The following PDZD2 variants were observed in gnomAD, a reference collection of about 807,000 sequenced individuals.
PDZD2 encodes PDZ domain-containing protein 2.
Under a neutral mutation model 220.7 loss-of-function variants are expected in PDZD2, and 90 were observed. That is an observed-to-expected ratio of 0.41 (90% confidence interval 0.34 to 0.49). The LOEUF is 0.49. Ranked by LOEUF, PDZD2 falls within the 20% of genes least tolerant of loss-of-function variation. The probability of loss-of-function intolerance (pLI) is 0.28; values close to 1 mark genes in which losing one functional copy is unlikely to be tolerated. For synonymous variants in PDZD2, 1,375 were observed against 1,450.5 expected (o/e 0.95, Z 1.18); for missense variants, 3,174 against 3,608.5 (o/e 0.88, Z 3.08).
chr5:31,834,621 C>A (rs1019259604), intron 2 of PDZD2, among the ~76,000 whole-genome samples: 2 of 151,910 alleles, frequency 1.3e-5, no homozygotes, highest in African/African-American at 2.4e-5. Flanking sequence ...GTATTTCAAG[C>A]CCCACAGGTG....
intron 2 of PDZD2, among the ~76,000 whole-genome samples, chr5:31,933,860 C>T (rs11740191): frequency 1.6e-3 from 237 of 152,212 alleles, no homozygotes; most frequent in Non-Finnish European, 2.7e-3. Flanking sequence ...AAGGTGGACA[C>T]GAAGAAGGCA....
intron 2 of PDZD2, among the ~76,000 whole-genome samples, chr5:31,803,878 A>G (rs1166683358): frequency 6.6e-6 from 1 of 151,990 alleles, no homozygotes; most frequent in Non-Finnish European, 1.5e-5. Flanking sequence ...TCTATAAAAA[A>G]ATTTTTTTTA....
At chr5:32,046,050 A>G (rs1480767589) in intron 7 of PDZD2, among the ~76,000 whole-genome samples, 1 of 152,208 alleles carries the variant, frequency 6.6e-6, no homozygotes, top group Non-Finnish European at 1.5e-5. Context: ...TATACACACA[A>G]ACACATATGT....
intron 24 of PDZD2, among the ~76,000 whole-genome samples, chr5:32,101,498 C>G (rs1001024626): frequency 1.6e-4 from 24 of 152,164 alleles, no homozygotes; most frequent in African/African-American, 5.6e-4. Context: ...CTGTAAGTGG[C>G]AGAACCAGGC....
intron 7 of PDZD2, among the ~76,000 whole-genome samples, chr5:32,042,309 C>T (rs1179988875): frequency 6.6e-6 from 1 of 151,218 alleles, no homozygotes; most frequent in Non-Finnish European, 1.5e-5. Context: ...CGCCTGTAAT[C>T]CCAGCACTTT....
chr5:31,916,389 G>A (rs1743682338), intron 2 of PDZD2, among the ~76,000 whole-genome samples: 1 of 152,238 alleles, frequency 6.6e-6, no homozygotes, highest in Non-Finnish European at 1.5e-5. Context: ...CCACAGTCAG[G>A]TGTAGAGGCC....
rs746305849 is a variant in PDZD2 at position 31,658,623 on chromosome 5, C to CT, written c.-361+19200dup. Among the ~76,000 whole-genome samples, 1,092 of 146,942 alleles carry CT rather than the reference C, an allele frequency of 7.4e-3. 12 individuals are homozygous for CT. Among genetic ancestry groups the CT allele is most frequent in the African/African-American group, 0.023 (936 of 40,064 alleles). On this transcript the variant is annotated intron_variant, in intron 1 of 24. Coordinates refer to ENST00000438447, the MANE Select transcript of PDZD2 (RefSeq NM_178140.4). ...ATTTGGTCTATGTGGGCTGTTTTCACTTTTTTTTTTTTTTGAGACGGAGTC... is the reference window on the plus strand; with the variant it reads ...ATTTGGTCTATGTGGGCTGTTTTCACTTTTTTTTTTTTTTTGAGACGGAGTC...
At chr5:31,880,663 C>A (rs925406827) in intron 2 of PDZD2, among the ~76,000 whole-genome samples, 1 of 151,882 alleles carries the variant, frequency 6.6e-6, no homozygotes, top group African/African-American at 2.4e-5. Flanking sequence ...GGGTCTGGGC[C>A]AGAACACATT....
At chr5:31,908,473 G>T in intron 2 of PDZD2, 2 of 946,552 alleles carry the variant, frequency 2.1e-6, no homozygotes, top group East Asian at 3.3e-5. Context: ...TAGGAGAGAG[G>T]GTAACACTGA....
intron 2 of PDZD2, among the ~76,000 whole-genome samples, chr5:31,890,061 C>A (rs1740875175): frequency 6.7e-6 from 1 of 149,084 alleles, no homozygotes; most frequent in Admixed American, 6.8e-5. Flanking sequence ...CCACCCCCAC[C>A]AAAACAAACA....
intron 3 of PDZD2, among the ~76,000 whole-genome samples, chr5:31,993,229 A>G (rs1040460334): frequency 3.3e-5 from 5 of 152,206 alleles, no homozygotes; most frequent in Non-Finnish European, 7.3e-5. Flanking sequence ...AATAGAGATC[A>G]TTGACAAGTT....
intron 1 of PDZD2, among the ~76,000 whole-genome samples, chr5:31,657,967 G>A (rs986596265): frequency 4.9e-4 from 75 of 152,152 alleles, no homozygotes; most frequent in African/African-American, 1.4e-3. Context: ...TACTCTAACC[G>A]TCCTATCTTT....
chr5:31,686,467 G>A (rs1203221885), intron 1 of PDZD2, among the ~76,000 whole-genome samples: 14 of 152,000 alleles, frequency 9.2e-5, no homozygotes, highest in Non-Finnish European at 8.8e-5. Flanking sequence ...AGGTTCAAGC[G>A]ATTCTCCTGC....
intron 2 of PDZD2, among the ~76,000 whole-genome samples, chr5:31,849,949 C>CGTGT (rs1757870585): frequency 4.9e-5 from 1 of 20,454 alleles, no homozygotes; most frequent in African/African-American, 2.8e-4. Context: ...TATATATATA[C>CGTGT]ATATATATAT....
In PDZD2 at chr5:31,768,099, A is replaced by G. The variant is rs116687172; in HGVS notation, c.-360-30790A>G. 7.5e-3 allele frequency among the ~76,000 whole-genome samples: 1,142 copies of G among 152,338 alleles called. 11 individuals are homozygous for G. The highest frequency in any genetic ancestry group is 0.026 in the African/African-American group (1,099 of 41,580). On this transcript the variant is annotated intron_variant, in intron 1 of 24. Coordinates refer to ENST00000438447, the MANE Select transcript of PDZD2 (RefSeq NM_178140.4). The stretch of plus-strand genomic sequence containing the variant: ...AGAGGATGAGAGGCACCAACTACAC[A>G]GAACTGGGACCTGGAGTTAGGTCTC...
chr5:31,846,756 T>C (rs1355544678), intron 2 of PDZD2, among the ~76,000 whole-genome samples: 1 of 152,186 alleles, frequency 6.6e-6, no homozygotes, highest in African/African-American at 2.4e-5. Flanking sequence ...GGCCTTGTGT[T>C]TGTGGAGAGC....
At chr5:32,049,996 C>T (rs560493735) in intron 8 of PDZD2, among the ~76,000 whole-genome samples, 45 of 152,262 alleles carry the variant, frequency 3.0e-4, no homozygotes, top group African/African-American at 1.1e-3. Context: ...TTCAGTGGTG[C>T]GACCTTGGCT....
At chr5:32,099,292 C>CT (rs1235788165) in intron 23 of PDZD2, 2 of 152,298 alleles carry the variant, frequency 1.3e-5, no homozygotes, top group African/African-American at 2.4e-5. Flanking sequence ...GGGGTGACGT[C>CT]TTTTTTTATT....
At chr5:31,692,257 A>G (rs533295740) in intron 1 of PDZD2, among the ~76,000 whole-genome samples, 7 of 152,282 alleles carry the variant, frequency 4.6e-5, no homozygotes, top group African/African-American at 1.7e-4. Context: ...CGGCCGGGCG[A>G]GTGCGGGGTC....
Sources: gnomAD v4.1 joint callset for allele counts (sites outside exome capture counted in the v4.1 genomes callset) on GRCh38, gnomAD v4.1.1 for gene constraint, MANE v1.5 for transcripts, NCBI Gene and HGNC (gene_info 2026-07-23, HGNC 2026-07-21) for gene names.